PITPNC1: variants seen among roughly 807,000 people sequenced by gnomAD.
The protein encoded by PITPNC1 is phosphatidylinositol transfer protein cytoplasmic 1, also known as cytoplasmic phosphatidylinositol transfer protein 1.
PITPNC1 carries 18 observed loss-of-function variants against 44.7 expected under a neutral mutation model. The observed-to-expected ratio is 0.40, with a 90% CI of 0.28 to 0.60. PITPNC1 has a LOEUF of 0.60. Ranked by LOEUF, PITPNC1 falls within the 20% of genes least tolerant of loss-of-function variation. The pLI is 0.39. For synonymous variants in PITPNC1, 141 were observed against 149.6 expected, an observed-to-expected ratio of 0.94 and a Z score of 0.42; for missense variants, 290 against 418.4, an observed-to-expected ratio of 0.69 and a Z score of 2.68.
intron 1 of PITPNC1, among the ~76,000 whole-genome samples, chr17:67,514,671 C>A (rs1214941395): frequency 1.3e-5 from 2 of 151,832 alleles, no homozygotes; most frequent in Non-Finnish European, 2.9e-5. Flanking sequence ...CTAAAAAATA[C>A]AAAAAATAGC....
At chr17:67,509,348 A>G (rs2040149149) in intron 1 of PITPNC1, among the ~76,000 whole-genome samples, 2 of 151,606 alleles carry the variant, frequency 1.3e-5, no homozygotes, top group Admixed American at 6.6e-5. Context: ...CCTGGCCAAT[A>G]TGGTGAAACC....
chr17:67,437,462 C>G (rs2038953214), intron 1 of PITPNC1, among the ~76,000 whole-genome samples: 1 of 152,162 alleles, frequency 6.6e-6, no homozygotes, highest in African/African-American at 2.4e-5. Context: ...TCCTCCAGAG[C>G]ATGGCCCTGC....
chr17:67,654,881 C>T (rs2042246542), intron 6 of PITPNC1, among the ~76,000 whole-genome samples: 1 of 152,110 alleles, frequency 6.6e-6, no homozygotes, highest in South Asian at 2.1e-4. Context: ...GATCTGCCCG[C>T]CTCATCCTCC....
At chr17:67,651,369 CG>C (rs2042207704) in intron 6 of PITPNC1, among the ~76,000 whole-genome samples, 1 of 152,000 alleles carries the variant, frequency 6.6e-6, no homozygotes, top group African/African-American at 2.4e-5. Context: ...AAAAATCAGC[CG>C]GGTGTGCTGG....
intron 4 of PITPNC1, among the ~76,000 whole-genome samples, chr17:67,573,630 T>C (rs1305127731): frequency 2.2e-5 from 3 of 133,570 alleles, no homozygotes; most frequent in Non-Finnish European, 4.6e-5. Flanking sequence ...TGGCGCAACC[T>C]CAGCTCACTA....
At chr17:67,399,292 C>T (rs1439728903) in intron 1 of PITPNC1, among the ~76,000 whole-genome samples, 1 of 152,156 alleles carries the variant, frequency 6.6e-6, no homozygotes. Flanking sequence ...GGATTACAGG[C>T]GTGAGCCACT....
intron 1 of PITPNC1, among the ~76,000 whole-genome samples, chr17:67,492,378 A>G (rs1195597948): frequency 6.6e-6 from 1 of 152,222 alleles, no homozygotes; most frequent in Non-Finnish European, 1.5e-5. Flanking sequence ...AAGGAAACAT[A>G]TGAAGCAGGA....
chr17:67,507,855 C>T (rs1156233407), intron 1 of PITPNC1, among the ~76,000 whole-genome samples: 1 of 151,986 alleles, frequency 6.6e-6, no homozygotes, highest in Non-Finnish European at 1.5e-5. Flanking sequence ...ACTGTTGTTG[C>T]TCCTGGGTAC....
At chr17:67,465,563 A>G (rs1022710422) in intron 1 of PITPNC1, among the ~76,000 whole-genome samples, 1 of 152,176 alleles carries the variant, frequency 6.6e-6, no homozygotes, top group Non-Finnish European at 1.5e-5. Flanking sequence ...TTTTTGTGGT[A>G]GGATCTTCAT....
chr17:67,491,289 C>CCGTG (rs1227176252), intron 1 of PITPNC1, among the ~76,000 whole-genome samples: 1 of 152,218 alleles, frequency 6.6e-6, no homozygotes, highest in Non-Finnish European at 1.5e-5. Flanking sequence ...ACACTGAGGA[C>CCGTG]CGTGCGTGAT....
intron 1 of PITPNC1, among the ~76,000 whole-genome samples, chr17:67,418,591 C>T (rs901993225): frequency 2.6e-5 from 4 of 151,656 alleles, no homozygotes; most frequent in African/African-American, 9.7e-5. Context: ...GAGTTTTGCT[C>T]TGTCACCCAG....
chr17:67,580,949 T>C (rs1183326053), intron 5 of PITPNC1, among the ~76,000 whole-genome samples: 1 of 152,170 alleles, frequency 6.6e-6, no homozygotes, highest in Non-Finnish European at 1.5e-5. Context: ...CCTGGGAGGC[T>C]GCAGTGGGAG....
intron 5 of PITPNC1, among the ~76,000 whole-genome samples, chr17:67,629,168 A>C (rs2041932631): frequency 6.6e-6 from 1 of 151,206 alleles, no homozygotes; most frequent in Non-Finnish European, 1.5e-5. Context: ...TTTTGCCACC[A>C]ATAAATGTCA....
chr17:67,560,514 TG>T (rs1162832418), intron 4 of PITPNC1, among the ~76,000 whole-genome samples: 2 of 152,214 alleles, frequency 1.3e-5, no homozygotes, highest in Non-Finnish European at 2.9e-5. Context: ...GGGATGGCAG[TG>T]GGTTTGTGCA....
Position 67,676,840 on chromosome 17 carries a change from T to C in PITPNC1, c.682+1298T>C, listed in dbSNP as rs2042612318. Among the ~76,000 whole-genome samples the C allele has an allele frequency of 6.6e-6, 1 of 152,116 alleles. No homozygotes were observed. On this transcript the variant is annotated intron_variant, in intron 8 of 8. Coordinates refer to ENST00000581322, the MANE Select transcript of PITPNC1 (RefSeq NM_012417.4). The surrounding 1 kb of genome is among the most constrained non-coding windows in gnomAD (Gnocchi z 4.0). Reference sequence around the variant, plus strand: ...CTTTTCTTTTTTTTTTCTTTTTTTCTTACCTCCTTTTGCAGTTTTCCCAGA... The same window carrying C: ...CTTTTCTTTTTTTTTTCTTTTTTTCCTACCTCCTTTTGCAGTTTTCCCAGA...
chr17:67,471,398 T>C (rs1159323721), intron 1 of PITPNC1: 6 of 312,200 alleles, frequency 1.9e-5, no homozygotes, highest in South Asian at 1.4e-4. Flanking sequence ...TTTGGATGAT[T>C]TTGAGTAAAG....
At position 67,693,002 on chromosome 17, in the gene PITPNC1, C is replaced by A. The variant is rs995415318; in HGVS notation, c.*114C>A. On this transcript the variant is annotated 3_prime_UTR_variant, in exon 9 of 9. Coordinates refer to ENST00000581322, the MANE Select transcript of PITPNC1 (RefSeq NM_012417.4). ...TTGTCACTCAAACATGTTCCTTCGA[C>A]CTTTCAGTGTGCATGTGACTCAGTA... is the stretch of plus-strand genomic sequence containing the variant. 7.3e-6 allele frequency: 5 copies of A among 687,910 alleles called. No individual in the cohort carries two copies. The highest frequency in any genetic ancestry group is 6.3e-4 in the Middle Eastern group (2 of 3,180). The allele number at this position is 687,910 out of a possible 1,614,324, so 42.6% of individuals were successfully genotyped here.
chr17:67,425,790 G>C (rs2038756390), intron 1 of PITPNC1, among the ~76,000 whole-genome samples: 1 of 152,062 alleles, frequency 6.6e-6, no homozygotes, highest in Admixed American at 6.6e-5. Flanking sequence ...CAGCCTCCCA[G>C]AGTGCTGGGA....
intron 1 of PITPNC1, among the ~76,000 whole-genome samples, chr17:67,436,312 T>C (rs535235167): frequency 1.3e-5 from 2 of 152,260 alleles, no homozygotes; most frequent in African/African-American, 4.8e-5. Flanking sequence ...CTGGGGGTGC[T>C]ATTTTAAAAA....
Sources: gnomAD v4.1 joint callset for allele counts (sites outside exome capture counted in the v4.1 genomes callset) on GRCh38, gnomAD v4.1.1 for gene constraint, Gnocchi (gnomAD v3.1) non-coding constraint, MANE v1.5 for transcripts, NCBI Gene and HGNC (gene_info 2026-07-23, HGNC 2026-07-21) for gene names.